MARCHF3: variants seen among roughly 807,000 people sequenced by gnomAD.
MARCHF3 encodes E3 ubiquitin-protein ligase MARCHF3.
In MARCHF3, 13 loss-of-function variants were observed where a neutral mutation model predicts 24.2. The observed-to-expected ratio is 0.54, with a 90% CI of 0.35 to 0.85. The LOEUF is 0.85. MARCHF3 is among the 40% of genes least tolerant of loss of function. MARCHF3 has a pLI of 0.01. For synonymous variants in MARCHF3, 144 were observed against 137.3 expected (o/e 1.05, Z -0.34); for missense variants, 276 against 325.0 (o/e 0.85, Z 1.16).
At chr5:126,942,966 A>G (rs1749883302) in intron 1 of MARCHF3, among the ~76,000 whole-genome samples, 1 of 152,224 alleles carries the variant, frequency 6.6e-6, no homozygotes, top group South Asian at 2.1e-4. Flanking sequence ...AACACTGAAA[A>G]AAAGAGAAAG....
intron 1 of MARCHF3, among the ~76,000 whole-genome samples, chr5:126,957,000 C>T (rs1429358027): frequency 6.6e-6 from 1 of 152,222 alleles, no homozygotes; most frequent in Admixed American, 6.5e-5. Flanking sequence ...GATCCTCCCA[C>T]CTCAGCCTCC....
At position 126,877,500 on chromosome 5, in the gene MARCHF3, C is replaced by A. The variant is rs555771539; in HGVS notation, c.603+685G>T. ...TGGGTGCTGTCAACTGGTACTCAAG[C>A]GATCAACTTACTGCATGAAGTTAAA... On this transcript the variant is annotated intron_variant, in intron 4 of 4. Coordinates refer to ENST00000308660, the MANE Select transcript of MARCHF3 (RefSeq NM_178450.5). Among the ~76,000 whole-genome samples the A allele has an allele frequency of 1.9e-3, 289 of 152,200 alleles. 1 individual carries two copies. Among genetic ancestry groups the A allele is most frequent in the African/African-American group, 6.8e-3 (281 of 41,528 alleles).
At position 126,918,114 on chromosome 5, in the gene MARCHF3, C is replaced by T; in HGVS notation, c.58G>A (p.Ala20Thr). ...PEVLPDCTSSAAPVVKTVEDC... is the reference protein window; with the variant it reads ...PEVLPDCTSSTAPVVKTVEDC... The stretch of plus-strand genomic sequence containing the variant: ...TCCACCGTCTTCACCACGGGTGCAG[C>T]TGAGCTGGTGCAGTCTGGCAGGACT... Residue 20 changes from alanine to threonine, a missense_variant, in exon 2 of 5, where the codon GCT (alanine) becomes ACT (threonine). Transcript: ENST00000308660. 2 of 1,614,204 alleles carry T rather than the reference C, an allele frequency of 1.2e-6. No individual in the cohort carries two copies. The highest frequency in any genetic ancestry group is 1.7e-6 in the Non-Finnish European group (2 of 1,180,042).
intron 3 of MARCHF3, among the ~76,000 whole-genome samples, chr5:126,881,199 T>C (rs1332753803): frequency 6.6e-6 from 1 of 152,162 alleles, no homozygotes; most frequent in East Asian, 1.9e-4. Flanking sequence ...TTGTTAACTC[T>C]AGTTTTGGGG....
chr5:126,908,138 G>C (rs1346155444), intron 3 of MARCHF3, among the ~76,000 whole-genome samples: 1 of 152,154 alleles, frequency 6.6e-6, no homozygotes, highest in Admixed American at 6.5e-5. Flanking sequence ...TAAGAATGTT[G>C]AATATTGGCC....
Position 126,878,086 on chromosome 5 carries a change from G to T in MARCHF3, c.603+99C>A. On this transcript the variant is annotated intron_variant, in intron 4 of 4. Coordinates refer to ENST00000308660, the MANE Select transcript of MARCHF3 (RefSeq NM_178450.5). The stretch of plus-strand genomic sequence containing the variant: ...AGCAATCGAAGGTCTGTTTTCTACC[G>T]GGCAGGTGAGATGTGTTACAGACAA... 3.5e-6 allele frequency: 4 copies of T among 1,157,948 alleles called. No individual in the cohort carries two copies. In the East Asian group the frequency reaches 9.5e-5, roughly 28 times the overall value. 71.7% of individuals were successfully genotyped at this position (1,157,948 alleles called of 1,614,324 possible).
chr5:126,977,824 A>T (rs1038717401), intron 1 of MARCHF3, among the ~76,000 whole-genome samples: 1 of 152,246 alleles, frequency 6.6e-6, no homozygotes, highest in Non-Finnish European at 1.5e-5. Flanking sequence ...ATTAATATAC[A>T]TGTCCTAACA....
At chr5:127,013,473 T>G (rs1752533930) in intron 1 of MARCHF3, among the ~76,000 whole-genome samples, 2 of 152,134 alleles carry the variant, frequency 1.3e-5, no homozygotes, top group Non-Finnish European at 2.9e-5. Flanking sequence ...ACCCAGCCCT[T>G]TAATTACTGG....
intron 1 of MARCHF3, among the ~76,000 whole-genome samples, chr5:126,974,263 C>A (rs949773116): frequency 6.6e-6 from 1 of 152,212 alleles, no homozygotes; most frequent in Non-Finnish European, 1.5e-5. Flanking sequence ...CCTTCCCTCC[C>A]TCAAGCAGGT....
intron 4 of MARCHF3, among the ~76,000 whole-genome samples, chr5:126,876,846 C>A (rs572557760): frequency 6.6e-6 from 1 of 152,148 alleles, no homozygotes; most frequent in Non-Finnish European, 1.5e-5. Flanking sequence ...GACAGGGTTT[C>A]GCCATGTTGG....
intron 1 of MARCHF3, among the ~76,000 whole-genome samples, chr5:127,019,302 A>T (rs771548433): frequency 6.6e-6 from 1 of 152,182 alleles, no homozygotes; most frequent in Non-Finnish European, 1.5e-5. Flanking sequence ...CAAGTAGTAG[A>T]CACACTGCCT....
Position 126,935,601 on chromosome 5 carries a change from CTTTTTTTTTTT to C in MARCHF3, c.-56-17385_-56-17375del, listed in dbSNP as rs202058243. ...CTAAAAAGTACGAATGTATATATGGCTTTTTTTTTTTTTTTTTTTTTTTTTTGAGACGGAGT... is the reference window on the plus strand; with the variant it reads ...CTAAAAAGTACGAATGTATATATGGCTTTTTTTTTTTTTTTGAGACGGAGT... On this transcript the variant is annotated intron_variant, in intron 1 of 4. Coordinates refer to ENST00000308660, the MANE Select transcript of MARCHF3 (RefSeq NM_178450.5). Among the ~76,000 whole-genome samples the C allele has an allele frequency of 1.7e-4, 12 of 70,624 alleles. 1 individual carries two copies. The highest frequency in any genetic ancestry group is 1.5e-3 in the East Asian group (4 of 2,662). The allele number at this position is 70,624 out of a possible 152,430, so 46.3% of individuals were successfully genotyped here. A position where few individuals can be genotyped will look rare whatever the true frequency, so the allele number is the denominator to read the frequency against.
At chr5:126,891,172 T>C (rs1411059727) in intron 3 of MARCHF3, among the ~76,000 whole-genome samples, 11 of 150,900 alleles carry the variant, frequency 7.3e-5, no homozygotes, top group Non-Finnish European at 1.3e-4. Flanking sequence ...GAGTTCATTG[T>C]AGATTCTGGA....
intron 1 of MARCHF3, among the ~76,000 whole-genome samples, chr5:126,965,790 A>G (rs1750796075): frequency 6.6e-6 from 1 of 152,202 alleles, no homozygotes; most frequent in Admixed American, 6.5e-5. Context: ...GTGGAAGTAT[A>G]AAATGGTGCA....
chr5:126,937,952 T>C, intron 1 of MARCHF3, among the ~76,000 whole-genome samples: 1 of 152,176 alleles, frequency 6.6e-6, no homozygotes, highest in East Asian at 1.9e-4. Flanking sequence ...TCTGCTCTTT[T>C]GATAAGACTC....
At chr5:127,030,269 G>C (rs1314037892) in intron 1 of MARCHF3, 81 bp downstream of exon 1, 2 of 152,224 alleles carry the variant, frequency 1.3e-5, no homozygotes, top group African/African-American at 4.8e-5. Context: ...GGACCGCCGA[G>C]CGCCAGGACG....
chr5:126,958,623 T>A (rs1750529651), intron 1 of MARCHF3, among the ~76,000 whole-genome samples: 1 of 152,172 alleles, frequency 6.6e-6, no homozygotes, highest in South Asian at 2.1e-4. Flanking sequence ...GACTGGGAAG[T>A]ATATAGAAGA....
At chr5:126,968,085 C>G (rs980826926) in intron 1 of MARCHF3, among the ~76,000 whole-genome samples, 18 of 152,168 alleles carry the variant, frequency 1.2e-4, no homozygotes. Context: ...CTTTTGGTGT[C>G]TGGCTTCTTT....
intron 1 of MARCHF3, among the ~76,000 whole-genome samples, chr5:127,003,427 C>CAGAGGAGTATACAACCTTGGTAGATGAGG (rs1271372422): frequency 1.4e-5 from 2 of 144,426 alleles, no homozygotes. Context: ...GAGATCGCGC[C>CAGAGGAGTATACAACCTTGGTAGATGAGG]ACTGCACTCC....
Sources: gnomAD v4.1 joint callset for allele counts (sites outside exome capture counted in the v4.1 genomes callset) on GRCh38, gnomAD v4.1.1 for gene constraint, MANE v1.5 for transcripts, NCBI Gene and HGNC (gene_info 2026-07-23, HGNC 2026-07-21) for gene names.